The following NEK10 variants were observed in gnomAD, a reference collection of about 807,000 sequenced individuals.
NEK10 encodes the protein serine/threonine-protein kinase Nek10.
In NEK10, 122 loss-of-function variants were observed where a neutral mutation model predicts 159.8. The observed-to-expected ratio is 0.76, with a 90% CI of 0.66 to 0.89. NEK10 has a LOEUF of 0.89. Among genes scored for constraint, NEK10 ranks in the 40% least tolerant of loss-of-function variants. The pLI, the probability that NEK10 is intolerant of heterozygous loss-of-function variation, is 0.00. For missense variants in NEK10, 1,342 were observed against 1,323.1 expected, an observed-to-expected ratio of 1.01 and a Z score of -0.22; for synonymous variants, 466 against 457.1, an observed-to-expected ratio of 1.02 and a Z score of -0.25.
At chr3:27,264,555 C>T (rs973398752) in intron 22 of NEK10, among the ~76,000 whole-genome samples, 1 of 152,152 alleles carries the variant, frequency 6.6e-6, no homozygotes, top group African/African-American at 2.4e-5. Flanking sequence ...ATCCATGTAA[C>T]AAACATGCAC....
intron 32 of NEK10, among the ~76,000 whole-genome samples, chr3:27,130,663 A>T (rs1306808704): frequency 6.6e-6 from 1 of 152,228 alleles, no homozygotes; most frequent in Admixed American, 6.5e-5. Flanking sequence ...TAATAAGAAT[A>T]TAAAATAAGA....
intron 23 of NEK10, among the ~76,000 whole-genome samples, chr3:27,233,671 A>G (rs1365466293): frequency 2.0e-5 from 3 of 151,894 alleles, no homozygotes; most frequent in Non-Finnish European, 4.4e-5. Flanking sequence ...GTGGATAAAG[A>G]AAATGTGGTA....
chr3:27,295,168 C>G (rs2043268780), intron 15 of NEK10, among the ~76,000 whole-genome samples: 1 of 152,182 alleles, frequency 6.6e-6, no homozygotes, highest in Non-Finnish European at 1.5e-5. Context: ...AGCTTTCACA[C>G]TTGGTGCATG....
chr3:27,214,881 T>G, intron 23 of NEK10: 1 of 1,216,148 alleles, frequency 8.2e-7, no homozygotes, highest in South Asian at 1.2e-5. Flanking sequence ...CCTAATCCCA[T>G]GCCAGAACGG....
chr3:27,119,374 G>A (rs763069098), intron 33 of NEK10, among the ~76,000 whole-genome samples: 34 of 152,238 alleles, frequency 2.2e-4, no homozygotes, highest in Admixed American at 6.5e-4. Flanking sequence ...GTCTAATGTG[G>A]ATTCTTTAGG....
chr3:27,272,602 A>T (rs541484793), intron 22 of NEK10, among the ~76,000 whole-genome samples: 7 of 152,212 alleles, frequency 4.6e-5, no homozygotes, highest in African/African-American at 1.7e-4. Context: ...ATGTACCAGA[A>T]GGTCTTCCGA....
At chr3:27,222,365 C>T (rs910000361) in intron 23 of NEK10, among the ~76,000 whole-genome samples, 3 of 151,940 alleles carry the variant, frequency 2.0e-5, no homozygotes, top group South Asian at 4.1e-4. Flanking sequence ...AGCGAGACTC[C>T]GTCTCAAAAA....
At chr3:27,257,579 A>G (rs2149330340) in intron 22 of NEK10, among the ~76,000 whole-genome samples, 1 of 152,302 alleles carries the variant, frequency 6.6e-6, no homozygotes, top group East Asian at 1.9e-4. Context: ...ACAAGTTTAT[A>G]CTAGCATAAA....
At chr3:27,129,165 T>C (rs1278277092) in intron 32 of NEK10, among the ~76,000 whole-genome samples, 1 of 152,114 alleles carries the variant, frequency 6.6e-6, no homozygotes, top group Non-Finnish European at 1.5e-5. Context: ...TTGAGCAGAC[T>C]GGATTGAAGA....
chr3:27,264,372 A>G (rs2040696842), intron 22 of NEK10, among the ~76,000 whole-genome samples: 1 of 152,228 alleles, frequency 6.6e-6, no homozygotes, highest in South Asian at 2.1e-4. Flanking sequence ...CCTCATGAAC[A>G]CAGACACAAA....
intron 5 of NEK10, among the ~76,000 whole-genome samples, chr3:27,331,115 T>C (rs1056962327): frequency 2.0e-5 from 3 of 151,708 alleles, no homozygotes; most frequent in Non-Finnish European, 4.4e-5. Flanking sequence ...CAGGCACCTG[T>C]AATCCCAGCT....
chr3:27,201,542 G>A lies in NEK10; in HGVS notation c.2259C>T (p.Ile753=). The change falls in exon 25 of 36, where the codon ATC becomes ATT. Residue 753 remains isoleucine (I), a synonymous_variant. Coordinates refer to ENST00000691995, the MANE Select transcript of NEK10 (RefSeq NM_001394966.1). The stretch of plus-strand genomic sequence containing the variant: ...TGGTGTCTGTTACTTTTTCAGAGTA[G>A]ATACCTTCTGGGACTGGTTCATATA... ...EAVYEPVPEG[I]YSEKVTDTIS... is the part of the protein sequence containing the mutation. 1 of 1,613,988 alleles carries A rather than the reference G, an allele frequency of 6.2e-7. No homozygotes were observed. The highest frequency in any genetic ancestry group is 8.5e-7 in the Non-Finnish European group (1 of 1,179,914).
chr3:27,352,075 G>A (rs1200430557), intron 3 of NEK10, among the ~76,000 whole-genome samples: 2 of 152,132 alleles, frequency 1.3e-5, no homozygotes, highest in Non-Finnish European at 2.9e-5. Context: ...GGGCAGGATT[G>A]GGAAGAGTAA....
intron 25 of NEK10, among the ~76,000 whole-genome samples, chr3:27,199,122 T>A (rs1050526495): frequency 2.7e-5 from 4 of 149,952 alleles, no homozygotes; most frequent in African/African-American, 7.3e-5. Context: ...GGGATTTAAT[T>A]AAACTAAAGA....
At chr3:27,187,175 T>C (rs1004771579) in intron 26 of NEK10, among the ~76,000 whole-genome samples, 2 of 152,182 alleles carry the variant, frequency 1.3e-5, no homozygotes, top group Admixed American at 1.3e-4. Flanking sequence ...ACAGGGTTCA[T>C]GTCATCTAAG....
chr3:27,215,545 G>A, intron 23 of NEK10: 1 of 463,602 alleles, frequency 2.2e-6, no homozygotes, highest in Non-Finnish European at 3.8e-6. Flanking sequence ...GATGAGTTTT[G>A]ACTCTTCTTT....
At chr3:27,282,507 A>G (rs1363574737) in intron 22 of NEK10, among the ~76,000 whole-genome samples, 1 of 139,036 alleles carries the variant, frequency 7.2e-6, no homozygotes, top group African/African-American at 2.6e-5. Flanking sequence ...GATTAAACAT[A>G]TTTGTTCTGT....
At chr3:27,196,681 A>T (rs1949590687) in intron 25 of NEK10, among the ~76,000 whole-genome samples, 1 of 152,204 alleles carries the variant, frequency 6.6e-6, no homozygotes. Flanking sequence ...ATTTGCCCAG[A>T]TTCACAAAAT....
At chr3:27,304,639 C>A in intron 12 of NEK10, 108 bp downstream of exon 12, 1 of 708,872 alleles carries the variant, frequency 1.4e-6, no homozygotes, top group African/African-American at 1.8e-5. Context: ...CCAAAGAAAT[C>A]CCAAAGCAGG....
Sources: allele counts gnomAD v4.1 joint callset (sites outside exome capture counted in the v4.1 genomes callset), GRCh38; gene constraint gnomAD v4.1.1; transcripts MANE v1.5; gene names NCBI Gene and HGNC (gene_info 2026-07-23, HGNC 2026-07-21).